The following GALNT9 variants were observed in gnomAD, a reference collection of about 807,000 sequenced individuals.
The protein encoded by GALNT9 is GalNAc transferase 9.
Under a neutral mutation model 63.1 loss-of-function variants are expected in GALNT9, and 47 were observed. The observed-to-expected ratio is 0.75, with a 90% CI of 0.59 to 0.95. The LOEUF is 0.95. Among genes scored for constraint, GALNT9 ranks in the 40% least tolerant of loss-of-function variants. The pLI is 0.00. For missense variants in GALNT9, 829 were observed against 874.8 expected, an observed-to-expected ratio of 0.95 and a Z score of 0.66; for synonymous variants, 396 against 365.7, an observed-to-expected ratio of 1.08 and a Z score of -0.94.
At chr12:132,277,828 T>G (rs1001400258) in intron 2 of GALNT9, 54 of 152,242 alleles carry the variant, frequency 3.5e-4, no homozygotes, top group Non-Finnish European at 5.6e-4. Context: ...AGGGGACAGC[T>G]GCTGACGACC....
chr12:132,207,167 G>T (rs538088664), intron 6 of GALNT9, among the ~76,000 whole-genome samples: 16 of 152,318 alleles, frequency 1.1e-4, no homozygotes, highest in African/African-American at 3.6e-4. Context: ...CCCCATAGCT[G>T]GGCGTCCGGA....
chr12:132,242,431 C>A (rs1257652152), intron 6 of GALNT9, among the ~76,000 whole-genome samples: 4 of 5,728 alleles, frequency 7.0e-4, no homozygotes, highest in Non-Finnish European at 3.1e-4. Flanking sequence ...CAACACACAC[C>A]CTTCCCGGGG....
At chr12:132,292,700 C>T (rs575053721) in intron 1 of GALNT9, among the ~76,000 whole-genome samples, 72 of 152,324 alleles carry the variant, frequency 4.7e-4, no homozygotes, top group African/African-American at 1.7e-3. Context: ...CTACAGCATC[C>T]AGCAGGGCGG....
chr12:132,215,618 G>A (rs1262536462), intron 6 of GALNT9, among the ~76,000 whole-genome samples: 11 of 152,358 alleles, frequency 7.2e-5, no homozygotes, highest in South Asian at 4.1e-4. Flanking sequence ...CTCCAAGACC[G>A]AGGTTCAAGA....
rs187109492 is a variant in GALNT9 at position 132,236,184 on chromosome 12, C to T, written c.1077+11726G>A. Reference sequence around the variant, plus strand: ...GGAGTTCAAGGTCAGACGGGCCTTTCAAATACAAGCAAATGCCAGCCTCCC... The same window carrying T: ...GGAGTTCAAGGTCAGACGGGCCTTTTAAATACAAGCAAATGCCAGCCTCCC... On this transcript the variant is annotated intron_variant, in intron 6 of 10. Coordinates refer to ENST00000328957, the MANE Select transcript of GALNT9 (RefSeq NM_001122636.2). This position sits in a 1 kb window ranked among gnomAD's most constrained non-coding sequence, Gnocchi z 5.6. Among the ~76,000 whole-genome samples the T allele has an allele frequency of 4.1e-4, 62 of 152,232 alleles. No homozygotes were observed. The highest frequency in any genetic ancestry group is 1.3e-3 in the African/African-American group (56 of 41,524).
At chr12:132,255,112 C>T (rs1425279549) in intron 5 of GALNT9, among the ~76,000 whole-genome samples, 1 of 152,190 alleles carries the variant, frequency 6.6e-6, no homozygotes, top group African/African-American at 2.4e-5. Flanking sequence ...CGCTTCTCAA[C>T]CAAGGGCACC....
intron 5 of GALNT9, among the ~76,000 whole-genome samples, chr12:132,248,308 G>C (rs1200711778): frequency 6.6e-6 from 1 of 152,168 alleles, no homozygotes; most frequent in Non-Finnish European, 1.5e-5. Context: ...TAGTGTAGGA[G>C]GTTTAAAAAA....
intron 6 of GALNT9, among the ~76,000 whole-genome samples, chr12:132,226,323 C>T (rs1453829697): frequency 6.7e-6 from 1 of 149,350 alleles, no homozygotes; most frequent in Admixed American, 6.7e-5. Context: ...ACATACTGTA[C>T]ATACACCTCA....
intron 1 of GALNT9, among the ~76,000 whole-genome samples, chr12:132,295,924 G>A (rs61943959): frequency 1.8e-3 from 90 of 49,254 alleles, no homozygotes; most frequent in Middle Eastern, 0.013. Context: ...GAACAGGGAC[G>A]GCCTCCGAAC....
At chr12:132,287,522 C>T (rs1016359860) in intron 1 of GALNT9, among the ~76,000 whole-genome samples, 8 of 152,178 alleles carry the variant, frequency 5.3e-5, no homozygotes, top group Admixed American at 2.6e-4. Flanking sequence ...GCAGCCGAGA[C>T]GTGGCTCACA....
intron 3 of GALNT9, among the ~76,000 whole-genome samples, chr12:132,262,066 C>T (rs1344036515): frequency 6.6e-6 from 1 of 152,212 alleles, no homozygotes; most frequent in Non-Finnish European, 1.5e-5. Context: ...TGGCTGACCC[C>T]AACTTCATCT....
intron 2 of GALNT9, among the ~76,000 whole-genome samples, chr12:132,270,670 G>A (rs370915875): frequency 1.7e-4 from 26 of 152,158 alleles, no homozygotes; most frequent in East Asian, 9.6e-4. Context: ...GCCAGAGCCC[G>A]ACCACACAGC....
At chr12:132,214,730 A>G (rs1383839191) in intron 6 of GALNT9, among the ~76,000 whole-genome samples, 1 of 151,860 alleles carries the variant, frequency 6.6e-6, no homozygotes, top group Non-Finnish European at 1.5e-5. Flanking sequence ...CTTCTCTGGG[A>G]TCCGTGCGTA....
chr12:132,245,018 A>G lies in GALNT9; in HGVS notation c.1077+2892T>C, dbSNP rs1878654423. On this transcript the variant is annotated intron_variant, in intron 6 of 10. Coordinates refer to ENST00000328957, the MANE Select transcript of GALNT9 (RefSeq NM_001122636.2). This position sits in a 1 kb window ranked among gnomAD's most constrained non-coding sequence, Gnocchi z 6.3. ...TCGGGGGAGAGGTGGCAGGGAGGGC[A>G]GGGAGGTCAGGGAGTGGAGTAAACG... is the stretch of plus-strand genomic sequence containing the variant. Among the ~76,000 whole-genome samples the G allele has an allele frequency of 6.6e-6, 1 of 151,780 alleles. No homozygotes were observed. Among genetic ancestry groups the G allele is most frequent in the Non-Finnish European group, 1.5e-5 (1 of 67,932 alleles).
At position 132,246,254 on chromosome 12, in the gene GALNT9, G is replaced by C. The variant is rs1555238001; in HGVS notation, c.1077+1656C>G. On this transcript the variant is annotated intron_variant, in intron 6 of 10. Coordinates refer to ENST00000328957, the MANE Select transcript of GALNT9 (RefSeq NM_001122636.2). This position sits in a 1 kb window ranked among gnomAD's most constrained non-coding sequence, Gnocchi z 4.7. ...TCCATTTTAAAAATGTGTAATTGAGGATTGATTCTAGATGTGCAGTTTAAA... is the reference window on the plus strand; with the variant it reads ...TCCATTTTAAAAATGTGTAATTGAGCATTGATTCTAGATGTGCAGTTTAAA... 6.6e-6 allele frequency among the ~76,000 whole-genome samples: 1 copy of C among 152,224 alleles called. No individual in the cohort carries two copies. The highest frequency in any genetic ancestry group is 1.9e-4 in the East Asian group (1 of 5,206).
chr12:132,229,585 C>T (rs1206524329), intron 6 of GALNT9, among the ~76,000 whole-genome samples: 1 of 152,252 alleles, frequency 6.6e-6, no homozygotes, highest in African/African-American at 2.4e-5. Context: ...CTCATGAGCA[C>T]GCGTGACGGG....
intron 8 of GALNT9, 174 bp downstream of exon 8, chr12:132,200,950 C>T (rs1312814543): frequency 1.5e-5 from 9 of 617,552 alleles, no homozygotes; most frequent in South Asian, 4.0e-5. Context: ...TGAATGCACA[C>T]GTGTGTGCAG....
chr12:132,202,542 AGTAATATT>A (rs935906012), intron 7 of GALNT9, among the ~76,000 whole-genome samples: 2 of 152,218 alleles, frequency 1.3e-5, no homozygotes, highest in Non-Finnish European at 2.9e-5. Flanking sequence ...TTTAAGAAGT[AGTAATATT>A]GTAAATGAGA....
At position 132,197,150 on chromosome 12, in the gene GALNT9, T is replaced by G. The variant is rs953822535; in HGVS notation, c.1769A>C (p.Gln590Pro). 1.2e-6 allele frequency: 2 copies of G among 1,614,206 alleles called. No homozygotes were observed. The highest frequency in any genetic ancestry group is 1.7e-6 in the Non-Finnish European group (2 of 1,180,028). Residue 590 changes from glutamine (Q) to proline (P), a missense_variant, in exon 11 of 11, where the codon CAG (glutamine) becomes CCG (proline). Physicochemically the swap from Gln to Pro is moderately conservative, Grantham distance 76 (BLOSUM62 -1). Transcript: ENST00000328957. ...GATCCAGTTTCTGATCATCCACTTC[T>G]GCCCCGAGCACCTCTGTACCACCAG... ...LRLVVQRCSG[Q>P]KWMIRNWIKH...
Sources: gnomAD v4.1 joint callset for allele counts (sites outside exome capture counted in the v4.1 genomes callset) on GRCh38, gnomAD v4.1.1 for gene constraint, Gnocchi (gnomAD v3.1) non-coding constraint, MANE v1.5 for transcripts, NCBI Gene and HGNC (gene_info 2026-07-23, HGNC 2026-07-21) for gene names.